Variants in CELF3 observed in about 807,000 individuals in gnomAD.
The protein encoded by CELF3 is CUGBP Elav-like family member 3.
Under a neutral mutation model 59.6 loss-of-function variants are expected in CELF3, and 26 were observed. The observed-to-expected ratio is 0.44, with a 90% CI of 0.32 to 0.61. The LOEUF (loss-of-function observed/expected upper bound fraction) is 0.61, where lower values mean the gene tolerates loss of function less well. CELF3 is among the 20% of genes least tolerant of loss of function. The probability of loss-of-function intolerance (pLI) is 0.06; values close to 1 mark genes in which losing one functional copy is unlikely to be tolerated. For synonymous variants in CELF3, 245 were observed against 250.7 expected, an observed-to-expected ratio of 0.98 and a Z score of 0.22; for missense variants, 387 against 627.2, an observed-to-expected ratio of 0.62 and a Z score of 4.09.
chr1:151,714,310 C>T, intron 2 of CELF3: 1 of 583,138 alleles, frequency 1.7e-6, no homozygotes, highest in Admixed American at 3.0e-5. Context: ...ACCAGCGAGT[C>T]CTCCCTCTAG....
At chr1:151,714,710 G>A (rs894987322) in intron 1 of CELF3, 34 bp from the exon 2 acceptor site, 2 of 1,447,560 alleles carry the variant, frequency 1.4e-6, no homozygotes, top group Middle Eastern at 1.9e-4. Context: ...AACACGGCGG[G>A]GGGTGAGTCC....
intron 2 of CELF3, chr1:151,714,276 A>G (rs1673271037): frequency 1.8e-6 from 1 of 568,096 alleles, no homozygotes; most frequent in Admixed American, 3.1e-5. Flanking sequence ...CTTGGTGTCC[A>G]GAGACTTTTC....
Position 151,709,462 on chromosome 1 carries a change from C to T in CELF3, c.278-114G>A. On this transcript the variant is annotated intron_variant, in intron 3 of 12. Transcript: ENST00000290583. This position sits in a 1 kb window ranked among gnomAD's most constrained non-coding sequence, Gnocchi z 4.9. The stretch of plus-strand genomic sequence containing the variant: ...CACTACTTCTGCTACCCTTAGGGTC[C>T]AATGGCTGTAGGGGCTGATGGTTGG... 6.9e-7 allele frequency: 1 copy of T among 1,441,080 alleles called. No homozygotes were observed. Among genetic ancestry groups the T allele is most frequent in the Non-Finnish European group, 9.6e-7 (1 of 1,041,688 alleles). 89.3% of individuals were successfully genotyped at this position (1,441,080 alleles called of 1,614,324 possible).
Position 151,716,094 on chromosome 1 carries a change from A to G in CELF3, c.-74T>C. On this transcript the variant is annotated 5_prime_UTR_variant, in exon 1 of 13. Transcript: ENST00000290583. ...GGCCAAGGGGAGCTGCCCAGCAAGG[A>G]GATAAGTGGTGGGGCCCGGGGGCCC... 1 of 1,481,818 alleles carries G rather than the reference A, an allele frequency of 6.7e-7. No individual in the cohort carries two copies. The highest frequency in any genetic ancestry group is 1.4e-5 in the South Asian group (1 of 73,456). 91.8% of individuals were successfully genotyped at this position (1,481,818 alleles called of 1,614,324 possible). A position where few individuals can be genotyped will look rare whatever the true frequency, so the allele number is the denominator to read the frequency against.
intron 12 of CELF3, among the ~76,000 whole-genome samples, chr1:151,704,808 G>GGTGT (rs138717096): frequency 1.8e-4 from 27 of 150,514 alleles, no homozygotes; most frequent in African/African-American, 3.4e-4. Flanking sequence ...GGTCACGGAG[G>GGTGT]GTGTGTGTGT....
In CELF3 at chr1:151,709,813, A is replaced by G. The variant is rs1213477603; in HGVS notation, c.229-22T>C. 3.7e-6 allele frequency: 6 copies of G among 1,613,584 alleles called. No homozygotes were observed. The highest frequency in any genetic ancestry group is 8.5e-7 in the Non-Finnish European group (1 of 1,179,584). On this transcript the variant is annotated intron_variant, in intron 2 of 12. Coordinates refer to ENST00000290583, the MANE Select transcript of CELF3 (RefSeq NM_007185.7). The surrounding 1 kb of genome is among the most constrained non-coding windows in gnomAD (Gnocchi z 4.9). Reference sequence around the variant, plus strand: ...TCATCTGAAGGAGAGAAGAGAAGGCAGCTGCTGGGGACCTCCTCTGAACAC... The same window carrying G: ...TCATCTGAAGGAGAGAAGAGAAGGCGGCTGCTGGGGACCTCCTCTGAACAC...
At position 151,703,097 on chromosome 1, in the gene CELF3, G is replaced by T. The variant is rs1189628618; in HGVS notation, c.*362C>A. 2.2e-6 allele frequency: 1 copy of T among 454,442 alleles called. No homozygotes were observed. The highest frequency in any genetic ancestry group is 2.0e-5 in the African/African-American group (1 of 50,002). 28.2% of individuals were successfully genotyped at this position (454,442 alleles called of 1,614,324 possible). ...CTGCGGCTCTCCTGGGGCCTGCACG[G>T]GTAGAACAGGCCCACTGTTGGGGGA... On this transcript the variant is annotated 3_prime_UTR_variant, in exon 13 of 13. Transcript: ENST00000290583.
In CELF3 at chr1:151,709,201, G is replaced by T. The variant is rs779663617; in HGVS notation, c.406+19C>A. The T allele has an allele frequency of 1.1e-4, 176 of 1,612,214 alleles. No individual in the cohort carries two copies. Among genetic ancestry groups the T allele is most frequent in the Non-Finnish European group, 1.4e-4 (167 of 1,178,558 alleles). On this transcript the variant is annotated intron_variant, in intron 4 of 12. Transcript: ENST00000290583. The surrounding 1 kb of genome is among the most constrained non-coding windows in gnomAD (Gnocchi z 4.9). ...GAAGGGGAAGGGCCCGGTGGGGAAG[G>T]GGGAAGTGGGTGGACTACCTTTGCT...
At chr1:151,704,973 G>A in intron 12 of CELF3, 58 bp downstream of exon 12, 1 of 1,537,688 alleles carries the variant, frequency 6.5e-7, no homozygotes. Context: ...GTCCAATCGA[G>A]GGCCCTGGCT....
Position 151,709,835 on chromosome 1 carries a change from A to G in CELF3, c.229-44T>C. 1 of 1,597,366 alleles carries G rather than the reference A, an allele frequency of 6.3e-7. No homozygotes were observed. On this transcript the variant is annotated intron_variant, in intron 2 of 12. Transcript: ENST00000290583. The surrounding 1 kb of genome is among the most constrained non-coding windows in gnomAD (Gnocchi z 4.9). Reference sequence around the variant, plus strand: ...GGCAGCTGCTGGGGACCTCCTCTGAACACCCAAGAGCCCTCCCAGGCCAGG... The same window carrying G: ...GGCAGCTGCTGGGGACCTCCTCTGAGCACCCAAGAGCCCTCCCAGGCCAGG...
intron 7 of CELF3, 45 bp downstream of exon 7, chr1:151,707,462 C>G: frequency 1.9e-6 from 3 of 1,604,926 alleles, no homozygotes; most frequent in Non-Finnish European, 2.6e-6. Flanking sequence ...CCCTCCCTAC[C>G]CCTACCATGC....
intron 9 of CELF3, 106 bp from the exon 10 acceptor site, chr1:151,706,467 G>A (rs1672551310): frequency 2.5e-5 from 32 of 1,291,064 alleles, no homozygotes; most frequent in Middle Eastern, 2.7e-4. Context: ...GCACCTGCAG[G>A]GCTGAGAGGT....
rs781166346 is a variant in CELF3 at position 151,716,009 on chromosome 1, C to A, written c.12G>T (p.Pro4=). 1 of 1,612,342 alleles carries A rather than the reference C, an allele frequency of 6.2e-7. No individual in the cohort carries two copies. The highest frequency in any genetic ancestry group is 2.2e-5 in the East Asian group (1 of 44,870). The change falls in exon 1 of 13, where the codon CCG becomes CCT. Residue 4 remains proline (P), a synonymous_variant. Transcript: ENST00000290583. The part of the protein sequence containing the change: MKE[P]DAIKLFVGQI... Reference sequence around the variant, plus strand: ...GCCCCACAAACAGCTTGATGGCATCCGGCTCCTTCATTGAGGCGGCCCAGG... The same window carrying A: ...GCCCCACAAACAGCTTGATGGCATCAGGCTCCTTCATTGAGGCGGCCCAGG...
At chr1:151,707,728 G>A (rs1231778698) in intron 6 of CELF3, 64 bp downstream of exon 6, 63 of 1,601,056 alleles carry the variant, frequency 3.9e-5, no homozygotes, top group Non-Finnish European at 4.5e-5. Context: ...CCTTGGCATC[G>A]GGAGGGTGGG....
At chr1:151,706,433 C>G (rs1672546020) in intron 9 of CELF3, 72 bp from the exon 10 acceptor site, 1 of 1,449,050 alleles carries the variant, frequency 6.9e-7, no homozygotes, top group Middle Eastern at 2.4e-4. Context: ...AACCCTGTCT[C>G]CCTTCCCCTA....
At position 151,710,502 on chromosome 1, in the gene CELF3, G is replaced by T. The variant is rs140851515; in HGVS notation, c.229-711C>A. ...GGGTGGTTAACAGGGTATGCTGGGG[G>T]TGGAGGATTTGGTGGGGGCTGGGAG... On this transcript the variant is annotated intron_variant, in intron 2 of 12. Coordinates refer to ENST00000290583, the MANE Select transcript of CELF3 (RefSeq NM_007185.7). The T allele has an allele frequency of 1.1e-3, 391 of 361,658 alleles. 2 individuals carry two copies. The highest frequency in any genetic ancestry group is 7.7e-3 in the African/African-American group (356 of 46,532). 22.4% of individuals were successfully genotyped at this position (361,658 alleles called of 1,614,324 possible). A position where few individuals can be genotyped will look rare whatever the true frequency, so the allele number is the denominator to read the frequency against.
intron 2 of CELF3, chr1:151,710,952 G>A (rs993867049): frequency 4.2e-5 from 17 of 407,466 alleles, no homozygotes; most frequent in Non-Finnish European, 7.5e-5. Context: ...TCTGACAGCT[G>A]GAACCACACC....
At chr1:151,715,678 C>A (rs1673420104) in intron 1 of CELF3, 198 bp downstream of exon 1, 2 of 1,525,438 alleles carry the variant, frequency 1.3e-6, no homozygotes, top group African/African-American at 1.4e-5. Context: ...CCAAAAGAGG[C>A]CCTCCTTAGT....
chr1:151,705,996 T>C lies in CELF3; in HGVS notation c.1127-31A>G. 1 of 1,612,270 alleles carries C rather than the reference T, an allele frequency of 6.2e-7. No homozygotes were observed. Among genetic ancestry groups the C allele is most frequent in the Non-Finnish European group, 8.5e-7 (1 of 1,179,146 alleles). ...TGGCGACAGAGACAGAAGAAAGAGCTCAGTGACTGGGAGGCACACACCCCA... is the reference window on the plus strand; with the variant it reads ...TGGCGACAGAGACAGAAGAAAGAGCCCAGTGACTGGGAGGCACACACCCCA... On this transcript the variant is annotated intron_variant, in intron 10 of 12. Coordinates refer to ENST00000290583, the MANE Select transcript of CELF3 (RefSeq NM_007185.7). The surrounding 1 kb of genome is among the most constrained non-coding windows in gnomAD (Gnocchi z 5.1).
Sources: gnomAD v4.1 joint callset for allele counts (sites outside exome capture counted in the v4.1 genomes callset) on GRCh38, gnomAD v4.1.1 for gene constraint, Gnocchi (gnomAD v3.1) non-coding constraint, MANE v1.5 for transcripts, NCBI Gene and HGNC (gene_info 2026-07-23, HGNC 2026-07-21) for gene names.